Variants in SOS1 observed in about 807,000 individuals in gnomAD.
SOS1 encodes son of sevenless homolog 1.
In SOS1, 25 loss-of-function variants were observed where a neutral mutation model predicts 157.6. The ratio of observed to expected loss-of-function variants is 0.16; its 90% CI spans 0.12 to 0.22. SOS1 has a LOEUF of 0.22. Among genes scored for constraint, SOS1 ranks in the 10% least tolerant of loss-of-function variants. The probability of loss-of-function intolerance (pLI) is 1.00; values close to 1 mark genes in which losing one functional copy is unlikely to be tolerated. For missense variants in SOS1, 1,237 were observed against 1,599.1 expected (o/e 0.77, Z 3.86); for synonymous variants, 528 against 534.0 (o/e 0.99, Z 0.16).
chr2:39,123,257 C>T (rs1156522772), upstream of SOS1, among the ~76,000 whole-genome samples: 1 of 152,138 alleles, frequency 6.6e-6, no homozygotes, highest in Non-Finnish European at 1.5e-5. Flanking sequence ...TTTTTATTTC[C>T]TGCTAGCACT....
At chr2:39,102,581 G>C (rs1673011638) in intron 1 of SOS1, among the ~76,000 whole-genome samples, 1 of 149,712 alleles carries the variant, frequency 6.7e-6, no homozygotes, top group Non-Finnish European at 1.5e-5. Context: ...GTTTTAAAAG[G>C]GTTATAGGTG....
In SOS1 at chr2:39,058,798, C is replaced by G. The variant is rs1292587800; in HGVS notation, c.220G>C (p.Val74Leu). ...ATTGGATGAGGGAAACTTTTTTGAA[C>G]ACGTTCCTTGGAAAATAGGAAAATA... ...PRSASDVEERVQKSFPHPIDK... is the reference protein window; with the variant it reads ...PRSASDVEERLQKSFPHPIDK... Residue 74 changes from valine to leucine, a missense_variant, in exon 3 of 23, where the codon GTT becomes CTT. Val to Leu is a conservative substitution (Grantham distance 32). Transcript: ENST00000402219. 1 of 1,611,426 alleles carries G rather than the reference C, an allele frequency of 6.2e-7. No individual in the cohort carries two copies. Among genetic ancestry groups the G allele is most frequent in the Non-Finnish European group, 8.5e-7 (1 of 1,178,188 alleles).
chr2:39,102,707 G>T (rs1673018446), intron 1 of SOS1, among the ~76,000 whole-genome samples: 1 of 152,132 alleles, frequency 6.6e-6, no homozygotes, highest in Non-Finnish European at 1.5e-5. Flanking sequence ...CACTTTGGGA[G>T]GCTGAGGCTG....
intron 3 of SOS1, 101 bp downstream of exon 3, chr2:39,058,572 C>G (rs1671294686): frequency 7.8e-7 from 1 of 1,285,242 alleles, no homozygotes; most frequent in Non-Finnish European, 1.1e-6. Flanking sequence ...GAATTTTACT[C>G]TTAAGTTGAC....
At chr2:39,001,069 C>A (rs987099064) in intron 17 of SOS1, among the ~76,000 whole-genome samples, 6 of 152,126 alleles carry the variant, frequency 3.9e-5, no homozygotes, top group Non-Finnish European at 5.9e-5. Context: ...AGAAAAAATT[C>A]TATTTTTGAA....
At chr2:39,025,485 G>T (rs1269731360) in intron 8 of SOS1, among the ~76,000 whole-genome samples, 1 of 151,290 alleles carries the variant, frequency 6.6e-6, no homozygotes, top group Non-Finnish European at 1.5e-5. Flanking sequence ...GAGTAGCTGC[G>T]ATTACGGGTG....
At chr2:39,005,155 T>G (rs59983786) in intron 17 of SOS1, among the ~76,000 whole-genome samples, 2,758 of 152,240 alleles carry the variant, frequency 0.018, 99 homozygotes, top group African/African-American at 0.064. Flanking sequence ...ATTTATAAAT[T>G]AGGCACAGTA....
intron 1 of SOS1, among the ~76,000 whole-genome samples, chr2:39,108,572 T>C (rs1223563310): frequency 1.3e-5 from 2 of 152,106 alleles, no homozygotes; most frequent in African/African-American, 4.8e-5. Context: ...CATTCACCCA[T>C]TTATGGTCCC....
chr2:39,049,518 T>C lies in SOS1; in HGVS notation c.864+1626A>G, dbSNP rs556434766. Among the ~76,000 whole-genome samples, 11 of 152,324 alleles carry C rather than the reference T, an allele frequency of 7.2e-5. No individual in the cohort carries two copies. The South Asian group carries it at 2.1e-3, about 29-fold the overall frequency. ...TCAGCATCCTAAACTTCTTTTAAAC[T>C]TTTTGTATGTCTATTATACAAAATC... On this transcript the variant is annotated intron_variant, in intron 6 of 22. Coordinates refer to ENST00000402219, the MANE Select transcript of SOS1 (RefSeq NM_005633.4).
rs1671632621 is a variant in SOS1, at chr2:39,067,560, T to C, written c.213+68A>G. ...ATATAGAGAGAGCAAATTCTTTCCCTGTTCACTGACATTACAACCAACACA... is the reference window on the plus strand; with the variant it reads ...ATATAGAGAGAGCAAATTCTTTCCCCGTTCACTGACATTACAACCAACACA... On this transcript the variant is annotated intron_variant, in intron 2 of 22. Transcript: ENST00000402219. 9.9e-6 allele frequency: 14 copies of C among 1,407,182 alleles called. No individual in the cohort carries two copies. In the South Asian group the frequency reaches 1.6e-4, roughly 16 times the overall value. The allele number at this position is 1,407,182 out of a possible 1,614,324, so 87.2% of individuals were successfully genotyped here.
Position 38,981,652 on chromosome 2 carries a change from T to G in SOS1, c.*4172A>C, listed in dbSNP as rs1293807335. ...TTCACTTTAAATGCAAACCAAATAC[T>G]GCTGCACACAGAGTACAAAGATTAC... On this transcript the variant is annotated 3_prime_UTR_variant, in exon 23 of 23. Transcript: ENST00000402219. 3 of 152,068 alleles carry G rather than the reference T, an allele frequency of 2.0e-5. No homozygotes were observed. The highest frequency in any genetic ancestry group is 7.2e-5 in the African/African-American group (3 of 41,406). The allele number at this position is 152,068 out of a possible 1,614,324, so 9.4% of individuals were successfully genotyped here.
chr2:39,094,386 G>A (rs13387231), intron 1 of SOS1, among the ~76,000 whole-genome samples: 12,284 of 152,076 alleles, frequency 0.081, 1,778 homozygotes, highest in African/African-American at 0.28. Context: ...AGTAGCTCAC[G>A]CCTGTAATCC....
chr2:39,088,857 T>C (rs969182080), intron 1 of SOS1, among the ~76,000 whole-genome samples: 4 of 152,208 alleles, frequency 2.6e-5, no homozygotes, highest in Non-Finnish European at 4.4e-5. Context: ...ATATAGTAAT[T>C]CTATATTTAG....
At chr2:39,017,040 A>G (rs1171231519) in intron 10 of SOS1, among the ~76,000 whole-genome samples, 1 of 152,120 alleles carries the variant, frequency 6.6e-6, no homozygotes, top group Non-Finnish European at 1.5e-5. Flanking sequence ...GATCACACCA[A>G]TTCTTGGTCT....
At chr2:39,020,958 A>AT (rs1436316539) in intron 10 of SOS1, among the ~76,000 whole-genome samples, 1 of 151,246 alleles carries the variant, frequency 6.6e-6, no homozygotes, top group Non-Finnish European at 1.5e-5. Flanking sequence ...ATTGGAAGGA[A>AT]TTTTTTAAAA....
chr2:39,087,801 C>T (rs368741191), intron 1 of SOS1, among the ~76,000 whole-genome samples: 1 of 152,140 alleles, frequency 6.6e-6, no homozygotes, highest in Non-Finnish European at 1.5e-5. Context: ...ACCTCGGCCT[C>T]TAGCGTAACT....
At chr2:39,121,219 CGCACCCTGGCAAAGTGG>C (rs1423425237), upstream of SOS1, among the ~76,000 whole-genome samples, 1 of 152,124 alleles carries the variant, frequency 6.6e-6, no homozygotes, top group Non-Finnish European at 1.5e-5. Flanking sequence ...CCCGAGAAGT[CGCACCCTGGCAAAGTGG>C]GGCCTGCAAG....
At chr2:39,080,640 C>A (rs1042065871) in intron 1 of SOS1, among the ~76,000 whole-genome samples, 23 of 152,056 alleles carry the variant, frequency 1.5e-4, no homozygotes. Flanking sequence ...AACAAAAATA[C>A]TCCTATTTTT....
chr2:39,065,828 T>A (rs1671570711), intron 2 of SOS1, among the ~76,000 whole-genome samples: 1 of 152,218 alleles, frequency 6.6e-6, no homozygotes, highest in Non-Finnish European at 1.5e-5. Flanking sequence ...CTCTAGGTGC[T>A]GATGATTCAA....
Sources: gnomAD v4.1 joint callset for allele counts (sites outside exome capture counted in the v4.1 genomes callset) on GRCh38, gnomAD v4.1.1 for gene constraint, MANE v1.5 for transcripts, NCBI Gene and HGNC (gene_info 2026-07-23, HGNC 2026-07-21) for gene names.